Variants in CDC5L observed in about 807,000 individuals in gnomAD.
CDC5L encodes the protein cell division cycle 5-like protein.
Under a neutral mutation model 104.1 loss-of-function variants are expected in CDC5L, and 18 were observed. The ratio of observed to expected loss-of-function variants is 0.17; its 90% CI spans 0.12 to 0.26. CDC5L has a LOEUF of 0.26. Among genes scored for constraint, CDC5L ranks in the 10% least tolerant of loss-of-function variants. The pLI, the probability that CDC5L is intolerant of heterozygous loss-of-function variation, is 1.00. For synonymous variants in CDC5L, 331 were observed against 322.7 expected (o/e 1.03, Z -0.28); for missense variants, 673 against 956.9 (o/e 0.70, Z 3.91).
At position 44,387,716 on chromosome 6, in the gene CDC5L, G is replaced by T. The variant is rs1481154148; in HGVS notation, c.-108G>T. 5.1e-6 allele frequency: 5 copies of T among 982,998 alleles called. No homozygotes were observed. Among genetic ancestry groups the T allele is most frequent in the Non-Finnish European group, 6.3e-6 (4 of 635,262 alleles). The allele number at this position is 982,998 out of a possible 1,614,324, so 60.9% of individuals were successfully genotyped here. On this transcript the variant is annotated 5_prime_UTR_variant, in exon 1 of 16. Transcript: ENST00000371477. ...TGCGCTTGCGCAGATCTTCAAAGCA[G>T]AAGGTCGCGCTTGGAGGAAGTGGCG...
chr6:44,410,530 A>C (rs926314623), intron 8 of CDC5L, among the ~76,000 whole-genome samples: 2 of 152,138 alleles, frequency 1.3e-5, no homozygotes, highest in Non-Finnish European at 2.9e-5. Flanking sequence ...TTACTAATCT[A>C]CCCTCTTGGT....
At chr6:44,435,319 A>G (rs1320789465) in intron 14 of CDC5L, among the ~76,000 whole-genome samples, 2 of 152,054 alleles carry the variant, frequency 1.3e-5, no homozygotes, top group Non-Finnish European at 2.9e-5. Flanking sequence ...TGTTAATAAA[A>G]GAATTTAGAA....
At chr6:44,411,629 A>AGTGTGT (rs1386078605) in intron 8 of CDC5L, among the ~76,000 whole-genome samples, 4 of 4,678 alleles carry the variant, frequency 8.6e-4, no homozygotes, top group Admixed American at 3.5e-3. Context: ...AGAGAGAGAG[A>AGTGTGT]GAGAGAGAGT....
intron 8 of CDC5L, among the ~76,000 whole-genome samples, chr6:44,415,116 A>C (rs532885320): frequency 6.6e-6 from 1 of 152,216 alleles, no homozygotes. Flanking sequence ...TGGACTTTCA[A>C]TTCTGTCTCA....
At chr6:44,404,226 C>A (rs1216185446) in intron 6 of CDC5L, among the ~76,000 whole-genome samples, 199 bp downstream of exon 6, 1 of 152,036 alleles carries the variant, frequency 6.6e-6, no homozygotes, top group Non-Finnish European at 1.5e-5. Flanking sequence ...CTTACTGAAG[C>A]CTTGACCTCC....
At position 44,445,482 on chromosome 6, in the gene CDC5L, G is replaced by A. The variant is rs537242778; in HGVS notation, c.2092-173G>A. ...GACTCACCTATAAAACCCTTTAGGT[G>A]CAAGATAAATCCTTCTTAAGCTTGA... On this transcript the variant is annotated intron_variant, in intron 14 of 15. Transcript: ENST00000371477. Among the ~76,000 whole-genome samples, 29 of 152,288 alleles carry A rather than the reference G, an allele frequency of 1.9e-4. No individual in the cohort carries two copies. In the South Asian group the frequency reaches 6.0e-3, roughly 32 times the overall value.
At chr6:44,421,735 A>G (rs1367985401) in intron 9 of CDC5L, among the ~76,000 whole-genome samples, 1 of 152,272 alleles carries the variant, frequency 6.6e-6, no homozygotes, top group Non-Finnish European at 1.5e-5. Context: ...ATTAGGTATT[A>G]TAAGTAACCT....
At chr6:44,396,819 A>T (rs895671954) in intron 5 of CDC5L, among the ~76,000 whole-genome samples, 2 of 152,168 alleles carry the variant, frequency 1.3e-5, no homozygotes, top group Non-Finnish European at 2.9e-5. Flanking sequence ...ACATTTACAA[A>T]GGATATTTTA....
At chr6:44,416,121 A>G (rs185281914) in intron 8 of CDC5L, among the ~76,000 whole-genome samples, 14 of 152,284 alleles carry the variant, frequency 9.2e-5, no homozygotes, top group Admixed American at 2.0e-4. Flanking sequence ...AGTCTAGGGT[A>G]TATCAGTCAA....
At chr6:44,417,008 C>G (rs558814776) in intron 8 of CDC5L, among the ~76,000 whole-genome samples, 1 of 152,014 alleles carries the variant, frequency 6.6e-6, no homozygotes, top group Non-Finnish European at 1.5e-5. Context: ...TGGAATAAGT[C>G]TTGCTCTGGT....
intron 6 of CDC5L, among the ~76,000 whole-genome samples, chr6:44,404,609 T>C (rs879344947): frequency 2.6e-5 from 4 of 152,210 alleles, no homozygotes; most frequent in Non-Finnish European, 5.9e-5. Flanking sequence ...AATCACATCT[T>C]AACTTTTATG....
intron 7 of CDC5L, 106 bp from the exon 8 acceptor site, chr6:44,408,334 TCAAA>T: frequency 1.5e-6 from 1 of 689,002 alleles, no homozygotes; most frequent in Non-Finnish European, 2.4e-6. Flanking sequence ...ACTCCTGGGC[TCAAA>T]CAGTTTGCCC....
chr6:44,429,142 C>T lies in CDC5L; in HGVS notation c.1894-571C>T, dbSNP rs551423244. On this transcript the variant is annotated intron_variant, in intron 13 of 15. Transcript: ENST00000371477. ...GTTCAAGGGATTCTTGTGCCTCAGC[C>T]TCCTGAGTAGCTAGGATTACAGGCA... Among the ~76,000 whole-genome samples the T allele has an allele frequency of 8.6e-5, 13 of 151,920 alleles. No homozygotes were observed. The East Asian group carries it at 2.1e-3, about 25-fold the overall frequency.
chr6:44,429,819 A>G lies in CDC5L; in HGVS notation c.2000A>G (p.Gln667Arg). 6.2e-7 allele frequency: 1 copy of G among 1,614,126 alleles called. No homozygotes were observed. The highest frequency in any genetic ancestry group is 1.1e-5 in the South Asian group (1 of 91,088). The change falls in exon 14 of 16, where the codon CAA (glutamine) becomes CGA (arginine). Residue 667 changes from glutamine to arginine, a missense_variant. By Grantham distance (43) the Gln-to-Arg change is conservative. Coordinates refer to ENST00000371477, the MANE Select transcript of CDC5L (RefSeq NM_001253.4). ...YNQVWEECYS[Q>R]VLYLPGQSRY... ...CAGGTGTGGGAAGAATGCTACAGTC[A>G]AGTTTTATATCTTCCTGGGCAGAGC...
At position 44,445,829 on chromosome 6, in the gene CDC5L, A is replaced by G. The variant is rs1316945256; in HGVS notation, c.2266A>G (p.Lys756Glu). 6.2e-7 allele frequency: 1 copy of G among 1,613,864 alleles called. No individual in the cohort carries two copies. Among genetic ancestry groups the G allele is most frequent in the African/African-American group, 1.3e-5 (1 of 74,918 alleles). Reference protein sequence around the residue: ...HLELRTFEELKKHEDSAIPRR... With the variant: ...HLELRTFEELEKHEDSAIPRR... ...GGAGTTACGCACTTTTGAAGAACTC[A>G]AGAAACATGAAGATTCTGCTATTCC... Residue 756 changes from lysine (K) to glutamate (E), a missense_variant, in exon 15 of 16, where the codon AAG (lysine) becomes GAG (glutamate). Physicochemically the swap from Lys to Glu is moderately conservative, Grantham distance 56. Coordinates refer to ENST00000371477, the MANE Select transcript of CDC5L (RefSeq NM_001253.4).
rs149353820 is a variant in CDC5L, at chr6:44,424,634, G to A, written c.1569+51G>A. 9.0e-3 allele frequency: 14,215 copies of A among 1,573,282 alleles called. 108 individuals carry two copies. The highest frequency in any genetic ancestry group is 0.022 in the Middle Eastern group (129 of 5,988). On this transcript the variant is annotated intron_variant, in intron 11 of 15. Coordinates refer to ENST00000371477, the MANE Select transcript of CDC5L (RefSeq NM_001253.4). Reference sequence around the variant, plus strand: ...TGAGTTTGGCTGAATGTGTCAGTAGGCTGGAAGAATGAAGAATAGCCATTA... The same window carrying A: ...TGAGTTTGGCTGAATGTGTCAGTAGACTGGAAGAATGAAGAATAGCCATTA...
At chr6:44,425,984 G>A (rs562709894) in intron 11 of CDC5L, 119 bp from the exon 12 acceptor site, 22 of 576,046 alleles carry the variant, frequency 3.8e-5, no homozygotes, top group Middle Eastern at 4.5e-4. Flanking sequence ...AACTTAAACC[G>A]ATTTCTAAAC....
rs775977839 is a variant in CDC5L at position 44,419,487 on chromosome 6, C to T, written c.1131C>T (p.Thr377=). The change falls in exon 9 of 16, where the codon ACC becomes ACT. Residue 377 remains threonine, a synonymous_variant. Transcript: ENST00000371477. ...TCATGGCCCTCACCAATGTGGACAC[C>T]CCATTGAAAGGTGGACTTAATACCC... The part of the protein sequence containing the change: ...QNLMALTNVD[T]PLKGGLNTPL... 4.3e-6 allele frequency: 7 copies of T among 1,614,048 alleles called. No homozygotes were observed. Among genetic ancestry groups the T allele is most frequent in the Non-Finnish European group, 5.9e-6 (7 of 1,179,954 alleles).
At chr6:44,404,762 C>G (rs1791288863) in intron 6 of CDC5L, among the ~76,000 whole-genome samples, 4 of 152,032 alleles carry the variant, frequency 2.6e-5, no homozygotes, top group Non-Finnish European at 5.9e-5. Flanking sequence ...GTGGCATGAT[C>G]ACAGCTCACT....
Sources: allele counts gnomAD v4.1 joint callset (sites outside exome capture counted in the v4.1 genomes callset), GRCh38; gene constraint gnomAD v4.1.1; transcripts MANE v1.5; gene names NCBI Gene and HGNC (gene_info 2026-07-23, HGNC 2026-07-21).